LEP: variants seen among roughly 807,000 people sequenced by gnomAD.
LEP encodes leptin (murine obesity homolog).
LEP carries 6 observed loss-of-function variants against 9.8 expected under a neutral mutation model. That is an observed-to-expected ratio of 0.61 (90% CI 0.34 to 1.21). The LOEUF (loss-of-function observed/expected upper bound fraction) is 1.21. LEP is among the 50% of genes most tolerant of loss of function. The pLI, the probability that LEP is intolerant of heterozygous loss-of-function variation, is 0.04. For missense variants in LEP, 134 were observed against 198.1 expected, an observed-to-expected ratio of 0.68 and a Z score of 1.94; for synonymous variants, 112 against 81.7, an observed-to-expected ratio of 1.37 and a Z score of -2.00.
chr7:128,242,359 T>C (rs913045050), intron 1 of LEP, among the ~76,000 whole-genome samples: 15 of 152,280 alleles, frequency 9.9e-5, no homozygotes, highest in South Asian at 6.2e-4. Context: ...GTTTGTTCTG[T>C]AGGATTCTGA....
At chr7:128,252,237 T>A (rs1201141287) in intron 2 of LEP, 75 bp downstream of exon 2, 1 of 1,528,488 alleles carries the variant, frequency 6.5e-7, no homozygotes, top group East Asian at 2.2e-5. Context: ...TGGACCCAGA[T>A]AGTCCAAGAA....
At position 128,255,136 on chromosome 7, in the gene LEP, G is replaced by A. The variant is rs183801334; in HGVS notation, c.*373G>A. ...TGATTTCAGAGAGGGCAGAGGGGTA[G>A]GCAGAGCCTTTGGATGACCAGAACA... On this transcript the variant is annotated 3_prime_UTR_variant, in exon 3 of 3. Coordinates refer to ENST00000308868, the MANE Select transcript of LEP (RefSeq NM_000230.3). 1.8e-3 allele frequency: 491 copies of A among 275,380 alleles called. 1 individual carries two copies. The highest frequency in any genetic ancestry group is 2.7e-3 in the Middle Eastern group (2 of 744). 17.1% of individuals were successfully genotyped at this position (275,380 alleles called of 1,614,324 possible). A position where few individuals can be genotyped will look rare whatever the true frequency, so the allele number is the denominator to read the frequency against.
intron 1 of LEP, among the ~76,000 whole-genome samples, chr7:128,246,114 C>T (rs1375514218): frequency 1.3e-5 from 2 of 151,950 alleles, no homozygotes; most frequent in Non-Finnish European, 2.9e-5. Context: ...TAAAGAGGAG[C>T]ACACATCTCT....
At chr7:128,245,759 C>T (rs1470837237) in intron 1 of LEP, among the ~76,000 whole-genome samples, 1 of 152,180 alleles carries the variant, frequency 6.6e-6, no homozygotes, top group East Asian at 1.9e-4. Context: ...GCCCTCCAGC[C>T]TGGATCTAAA....
chr7:128,245,106 C>A, intron 1 of LEP, among the ~76,000 whole-genome samples: 1 of 152,008 alleles, frequency 6.6e-6, no homozygotes, highest in Non-Finnish European at 1.5e-5. Flanking sequence ...CCCAGGAGGT[C>A]CCTACTAAAC....
In LEP at chr7:128,247,055, GAA is replaced by G. The variant is rs553533124; in HGVS notation, c.-28-4935_-28-4934del. On this transcript the variant is annotated intron_variant, in intron 1 of 2. Transcript: ENST00000308868. ...CTGCTTCAGTAGCACTCAGAGGAAA[GAA>G]TGATGCTGTATCAACATTTCAGCAG... Among the ~76,000 whole-genome samples the G allele has an allele frequency of 1.8e-3, 277 of 152,330 alleles. 1 individual carries two copies. The highest frequency in any genetic ancestry group is 6.4e-3 in the African/African-American group (266 of 41,576).
chr7:128,256,297 CCA>C lies in LEP; in HGVS notation c.*1536_*1537del, dbSNP rs1456133140. On this transcript the variant is annotated 3_prime_UTR_variant, in exon 3 of 3. Coordinates refer to ENST00000308868, the MANE Select transcript of LEP (RefSeq NM_000230.3). ...GATGAAAGAGGAGGTTTGGGGTCTG[CCA>C]CCATCCTGCTGCTGTGTTTTTGCTA... The C allele has an allele frequency of 1.3e-5, 2 of 152,670 alleles. No homozygotes were observed. Among genetic ancestry groups the C allele is most frequent in the African/African-American group, 4.8e-5 (2 of 41,450 alleles). 9.5% of individuals were successfully genotyped at this position (152,670 alleles called of 1,614,324 possible).
intron 1 of LEP, among the ~76,000 whole-genome samples, chr7:128,251,034 G>A (rs11760956): frequency 0.31 from 47,762 of 151,946 alleles, 8,149 homozygotes; most frequent in Non-Finnish European, 0.38. Flanking sequence ...GCTCTCTCCC[G>A]CCACCATGTC....
chr7:128,254,878 A>G lies in LEP; in HGVS notation c.*115A>G. The G allele has an allele frequency of 8.4e-7, 1 of 1,189,902 alleles. No homozygotes were observed. The highest frequency in any genetic ancestry group is 1.3e-5 in the South Asian group (1 of 77,960). 73.7% of individuals were successfully genotyped at this position (1,189,902 alleles called of 1,614,324 possible). ...GACACCCCTTATCCAGGACTCTGTC[A>G]ATTTCCCTGACTCCTCTAAGCCACT... On this transcript the variant is annotated 3_prime_UTR_variant, in exon 3 of 3. Coordinates refer to ENST00000308868, the MANE Select transcript of LEP (RefSeq NM_000230.3).
chr7:128,249,347 A>C (rs1230132023), intron 1 of LEP, among the ~76,000 whole-genome samples: 6 of 152,356 alleles, frequency 3.9e-5, no homozygotes, highest in South Asian at 2.1e-4. Context: ...GAGCTCCTGC[A>C]GCTCCCTGCC....
Position 128,256,345 on chromosome 7 carries a change from C to G in LEP, c.*1582C>G, listed in dbSNP as rs1180278353. 6.5e-6 allele frequency: 1 copy of G among 152,682 alleles called. No individual in the cohort carries two copies. The highest frequency in any genetic ancestry group is 2.4e-5 in the African/African-American group (1 of 41,460). 9.5% of individuals were successfully genotyped at this position (152,682 alleles called of 1,614,324 possible). ...TGCTATCACACAGTGGGTGGTGGAT[C>G]TGTCCAAGGAAACTTGAATCAAAGC... On this transcript the variant is annotated 3_prime_UTR_variant, in exon 3 of 3. Transcript: ENST00000308868.
chr7:128,243,810 C>T (rs757376298), intron 1 of LEP, among the ~76,000 whole-genome samples: 48 of 152,172 alleles, frequency 3.2e-4, no homozygotes, highest in Non-Finnish European at 5.6e-4. Flanking sequence ...AGATATTTAA[C>T]GAAGCCCTGC....
intron 2 of LEP, among the ~76,000 whole-genome samples, chr7:128,253,426 C>T (rs1167218686): frequency 3.3e-5 from 5 of 152,226 alleles, no homozygotes; most frequent in African/African-American, 1.2e-4. Context: ...TTTGAATCTT[C>T]ACACTTCTGA....
rs1470457109 is a variant in LEP at position 128,254,935 on chromosome 7, T to C, written c.*172T>C. On this transcript the variant is annotated 3_prime_UTR_variant, in exon 3 of 3. Coordinates refer to ENST00000308868, the MANE Select transcript of LEP (RefSeq NM_000230.3). Reference sequence around the variant, plus strand: ...AAGGCATAAGACCCTAAGCCTCCTTTTGCTTGAAACCAAAGATATATACAC... The same window carrying C: ...AAGGCATAAGACCCTAAGCCTCCTTCTGCTTGAAACCAAAGATATATACAC... The C allele has an allele frequency of 4.2e-6, 3 of 722,864 alleles. No homozygotes were observed. Among genetic ancestry groups the C allele is most frequent in the East Asian group, 2.7e-5 (1 of 36,856 alleles). 44.8% of individuals were successfully genotyped at this position (722,864 alleles called of 1,614,324 possible).
chr7:128,248,581 AG>A (rs1363375571), intron 1 of LEP, among the ~76,000 whole-genome samples: 1 of 152,214 alleles, frequency 6.6e-6, no homozygotes. Flanking sequence ...GCCTAGGTAA[AG>A]AACAAGACTC....
intron 1 of LEP, among the ~76,000 whole-genome samples, chr7:128,245,986 G>A (rs1006585205): frequency 4.0e-5 from 6 of 151,830 alleles, no homozygotes; most frequent in South Asian, 2.1e-4. Flanking sequence ...CAGGAGAATC[G>A]CTTGAACCCG....
chr7:128,242,161 G>A (rs567270356), intron 1 of LEP, among the ~76,000 whole-genome samples: 9 of 152,314 alleles, frequency 5.9e-5, no homozygotes, highest in African/African-American at 1.4e-4. Flanking sequence ...CTTAAATACA[G>A]TTAGGTCCAA....
At position 128,252,011 on chromosome 7, in the gene LEP, G is replaced by C. The variant is rs1292162986; in HGVS notation, c.-8G>C. 17 of 1,614,094 alleles carry C rather than the reference G, an allele frequency of 1.1e-5. No individual in the cohort carries two copies. Among genetic ancestry groups the C allele is most frequent in the Non-Finnish European group, 1.4e-5 (17 of 1,180,046 alleles). On this transcript the variant is annotated 5_prime_UTR_variant, in exon 2 of 3. Coordinates refer to ENST00000308868, the MANE Select transcript of LEP (RefSeq NM_000230.3). ...TTCAGGCCCAAGAAGCCCATCCTGGGAAGGAAAATGCATTGGGGAACCCTG... is the reference window on the plus strand; with the variant it reads ...TTCAGGCCCAAGAAGCCCATCCTGGCAAGGAAAATGCATTGGGGAACCCTG...
intron 1 of LEP, among the ~76,000 whole-genome samples, chr7:128,247,183 C>T (rs997815065): frequency 1.3e-4 from 20 of 152,186 alleles, no homozygotes; most frequent in African/African-American, 4.1e-4. Context: ...CAGCTGATCG[C>T]GGCCTTTCTT....
Sources: allele counts gnomAD v4.1 joint callset (sites outside exome capture counted in the v4.1 genomes callset), GRCh38; gene constraint gnomAD v4.1.1; transcripts MANE v1.5; gene names NCBI Gene and HGNC (gene_info 2026-07-23, HGNC 2026-07-21).